The following NFU1 variants were observed in gnomAD, a reference collection of about 807,000 sequenced individuals.
NFU1 encodes NFU1 iron-sulfur cluster scaffold.
In NFU1, 30 loss-of-function variants were observed where a neutral mutation model predicts 32.2. The ratio of observed to expected loss-of-function variants is 0.93; its 90% CI spans 0.70 to 1.26. The LOEUF is 1.26. Among genes scored for constraint, NFU1 ranks in the 50% most tolerant of loss-of-function variants. NFU1 has a pLI of 0.00. For synonymous variants in NFU1, 112 were observed against 104.6 expected (o/e 1.07, Z -0.43); for missense variants, 306 against 306.6 (o/e 1.00, Z 0.02).
intron 2 of NFU1, among the ~76,000 whole-genome samples, chr2:69,431,285 A>C (rs1204747427): frequency 6.6e-6 from 1 of 152,142 alleles, no homozygotes; most frequent in Non-Finnish European, 1.5e-5. Context: ...AAATACATAG[A>C]ATTCTTTGAA....
chr2:69,405,374 C>T (rs1672664089), intron 6 of NFU1, among the ~76,000 whole-genome samples: 1 of 152,176 alleles, frequency 6.6e-6, no homozygotes, highest in Admixed American at 6.5e-5. Flanking sequence ...TTTCTGAAAG[C>T]CCAGTGGTTT....
chr2:69,409,094 G>A (rs1040535171), intron 5 of NFU1, among the ~76,000 whole-genome samples: 16 of 151,526 alleles, frequency 1.1e-4, no homozygotes, highest in Admixed American at 6.6e-5. Flanking sequence ...CACCTGCCTC[G>A]GCCTCCCAAA....
At chr2:69,431,123 G>A (rs941230790) in intron 2 of NFU1, among the ~76,000 whole-genome samples, 3 of 151,936 alleles carry the variant, frequency 2.0e-5, no homozygotes, top group African/African-American at 7.3e-5. Context: ...CAAAACCATA[G>A]TAATTAATTT....
chr2:69,428,701 C>A (rs1249129315), intron 2 of NFU1, among the ~76,000 whole-genome samples: 1 of 152,202 alleles, frequency 6.6e-6, no homozygotes, highest in Non-Finnish European at 1.5e-5. Flanking sequence ...TAGGAAAATA[C>A]ATTTAAGATC....
chr2:69,400,320 G>T, intron 7 of NFU1, 44 bp downstream of exon 7: 7 of 1,561,870 alleles, frequency 4.5e-6, no homozygotes, highest in Non-Finnish European at 6.2e-6. Flanking sequence ...CAAAGAAAAA[G>T]AAAAAATGAA....
At chr2:69,422,560 C>T (rs532900988) in intron 3 of NFU1, among the ~76,000 whole-genome samples, 1 of 152,176 alleles carries the variant, frequency 6.6e-6, no homozygotes, top group East Asian at 1.9e-4. Context: ...TCTTAAAAAT[C>T]AGATTTTTTA....
intron 4 of NFU1, 119 bp from the exon 5 acceptor site, chr2:69,415,418 C>A: frequency 1.5e-6 from 1 of 669,966 alleles, no homozygotes; most frequent in Non-Finnish European, 2.7e-6. Flanking sequence ...CTCTGTTGCC[C>A]AGGCTGGATG....
chr2:69,413,534 T>G (rs548135070), intron 5 of NFU1, among the ~76,000 whole-genome samples: 1 of 152,248 alleles, frequency 6.6e-6, no homozygotes, highest in East Asian at 1.9e-4. Flanking sequence ...CCAAGGCAGG[T>G]GAATCCACTT....
chr2:69,411,105 A>G (rs1672864612), intron 5 of NFU1: 1 of 152,166 alleles, frequency 6.6e-6, no homozygotes, highest in Non-Finnish European at 1.5e-5. Context: ...GTATAATATT[A>G]TAAATTCATG....
chr2:69,419,020 CAT>C (rs981053633), intron 4 of NFU1, among the ~76,000 whole-genome samples: 5 of 152,012 alleles, frequency 3.3e-5, no homozygotes, highest in Admixed American at 1.3e-4. Flanking sequence ...TGTTGAAAAA[CAT>C]AGCATATTTT....
rs1426118283 is a variant in NFU1, at chr2:69,404,615, A to ATATTTT, written c.545+1406_545+1407insAAAATA. On this transcript the variant is annotated intron_variant, in intron 6 of 7. Coordinates refer to ENST00000410022, the MANE Select transcript of NFU1 (RefSeq NM_001002755.4). Reference sequence around the variant, plus strand: ...CACTTAATAACTACTATCTTAGCAAATTTTTTTTTTTTTTTTTTTTTTTGA... The same window carrying ATATTTT: ...CACTTAATAACTACTATCTTAGCAAATATTTTTTTTTTTTTTTTTTTTTTTTTTTGA... 1.5e-4 allele frequency among the ~76,000 whole-genome samples: 11 copies of ATATTTT among 73,006 alleles called. 1 individual carries two copies. Among genetic ancestry groups the ATATTTT allele is most frequent in the African/African-American group, 3.1e-4 (5 of 15,912 alleles). 47.9% of individuals were successfully genotyped at this position (73,006 alleles called of 152,430 possible). A position where few individuals can be genotyped will look rare whatever the true frequency, so the allele number is the denominator to read the frequency against.
At chr2:69,411,834 T>C (rs1029348328) in intron 5 of NFU1, among the ~76,000 whole-genome samples, 1 of 152,058 alleles carries the variant, frequency 6.6e-6, no homozygotes, top group East Asian at 1.9e-4. Context: ...GCTCACACAA[T>C]CTGCTGCCTT....
chr2:69,424,434 G>A (rs1382427901), intron 2 of NFU1, among the ~76,000 whole-genome samples: 1 of 151,440 alleles, frequency 6.6e-6, no homozygotes, highest in African/African-American at 2.4e-5. Context: ...GACTACAGGC[G>A]TGCACCATCA....
At chr2:69,424,198 A>AT (rs1439189506) in intron 2 of NFU1, among the ~76,000 whole-genome samples, 10 of 74,534 alleles carry the variant, frequency 1.3e-4, no homozygotes, top group African/African-American at 3.7e-4. Context: ...AAAAAAAAAA[A>AT]ATATATATAT....
chr2:69,412,865 A>AG (rs1341239242), intron 5 of NFU1, among the ~76,000 whole-genome samples: 1 of 151,742 alleles, frequency 6.6e-6, no homozygotes, highest in Non-Finnish European at 1.5e-5. Context: ...CTCAAAAAAA[A>AG]AAAAAAAAAG....
At chr2:69,430,510 A>G (rs1188731116) in intron 2 of NFU1, among the ~76,000 whole-genome samples, 5 of 152,020 alleles carry the variant, frequency 3.3e-5, no homozygotes, top group Non-Finnish European at 7.4e-5. Context: ...CCACCATGCC[A>G]GCCTATTTTT....
rs555025140 is a variant in NFU1 at position 69,435,304 on chromosome 2, C to T, written c.62+2057G>A. On this transcript the variant is annotated intron_variant, in intron 1 of 7. Transcript: ENST00000410022. ...GATGGTCAGTTAGAACGGTCTTTCA[C>T]TGTCATAATTTTCTGTTAAAATTTT... 2.6e-5 allele frequency among the ~76,000 whole-genome samples: 4 copies of T among 152,332 alleles called. No individual in the cohort carries two copies. In the East Asian group the frequency reaches 7.7e-4, roughly 29 times the overall value.
chr2:69,409,276 T>C (rs1184648434), intron 5 of NFU1, among the ~76,000 whole-genome samples: 1 of 152,234 alleles, frequency 6.6e-6, no homozygotes, highest in Non-Finnish European at 1.5e-5. Context: ...CATTTATAAA[T>C]GTACATACAT....
At chr2:69,410,263 C>A in intron 5 of NFU1, among the ~76,000 whole-genome samples, 2 of 152,182 alleles carry the variant, frequency 1.3e-5, no homozygotes, top group South Asian at 4.1e-4. Flanking sequence ...GTGTTTGGCG[C>A]CTGTAATCCC....
Sources: gnomAD v4.1 joint callset for allele counts (sites outside exome capture counted in the v4.1 genomes callset) on GRCh38, gnomAD v4.1.1 for gene constraint, MANE v1.5 for transcripts, NCBI Gene and HGNC (gene_info 2026-07-23, HGNC 2026-07-21) for gene names.